The following GSG1L variants were observed in gnomAD, a reference collection of about 807,000 sequenced individuals.
GSG1L encodes GSG1 like, also known as germ cell-specific gene 1-like protein.
In GSG1L, 24 loss-of-function variants were observed where a neutral mutation model predicts 42.1. The ratio of observed to expected loss-of-function variants is 0.57; its 90% CI spans 0.41 to 0.80. The LOEUF (loss-of-function observed/expected upper bound fraction) is 0.80. Ranked by LOEUF, GSG1L falls within the 30% of genes least tolerant of loss-of-function variation. The pLI, the probability that GSG1L is intolerant of heterozygous loss-of-function variation, is 0.00. For missense variants in GSG1L, 445 were observed against 472.2 expected (o/e 0.94, Z 0.53); for synonymous variants, 215 against 203.5 (o/e 1.06, Z -0.48).
intron 3 of GSG1L, among the ~76,000 whole-genome samples, chr16:27,846,348 T>G (rs953478527): frequency 1.6e-4 from 25 of 152,208 alleles, no homozygotes; most frequent in African/African-American, 6.0e-4. Context: ...TTGACCCCTT[T>G]CTTAGTCTTC....
At position 27,925,434 on chromosome 16, in the gene GSG1L, T is replaced by C. The variant is rs1232108029; in HGVS notation, c.397+37722A>G. 3.3e-5 allele frequency among the ~76,000 whole-genome samples: 5 copies of C among 151,844 alleles called. No individual in the cohort carries two copies. The East Asian group carries it at 7.7e-4, about 23-fold the overall frequency. ...AAGGCGAGGCTAGGTTGAGGACAAA[T>C]TGGGAGAAGTGTTTAAATGCTGACT... is the stretch of plus-strand genomic sequence containing the variant. On this transcript the variant is annotated intron_variant, in intron 2 of 6. Transcript: ENST00000447459.
At chr16:28,010,760 C>T (rs958092215) in intron 1 of GSG1L, among the ~76,000 whole-genome samples, 1 of 152,170 alleles carries the variant, frequency 6.6e-6, no homozygotes, top group Admixed American at 6.5e-5. Context: ...ATCCCTCCAC[C>T]GGAAATCATT....
At chr16:28,034,449 AAGGT>A (rs2086009616) in intron 1 of GSG1L, among the ~76,000 whole-genome samples, 1 of 152,214 alleles carries the variant, frequency 6.6e-6, no homozygotes, top group Non-Finnish European at 1.5e-5. Flanking sequence ...TGTGAAGAAA[AAGGT>A]AGCGGGGCTT....
chr16:27,826,406 C>T (rs2083209641), intron 5 of GSG1L, among the ~76,000 whole-genome samples: 2 of 152,350 alleles, frequency 1.3e-5, no homozygotes, highest in East Asian at 3.9e-4. Context: ...TCGTCCTCTG[C>T]TGAGCCCTGA....
chr16:27,912,773 C>A (rs1205776116), intron 2 of GSG1L, among the ~76,000 whole-genome samples: 1 of 152,132 alleles, frequency 6.6e-6, no homozygotes, highest in Middle Eastern at 3.2e-3. Context: ...TAAAGACATT[C>A]TTGCACCATA....
At chr16:27,824,950 C>T (rs984409417) in intron 5 of GSG1L, among the ~76,000 whole-genome samples, 1 of 152,250 alleles carries the variant, frequency 6.6e-6, no homozygotes, top group African/African-American at 2.4e-5. Flanking sequence ...CCACTTCGGG[C>T]CCTGTGCCAT....
intron 1 of GSG1L, among the ~76,000 whole-genome samples, chr16:27,999,344 G>T (rs1439772859): frequency 1.3e-5 from 2 of 152,170 alleles, no homozygotes; most frequent in African/African-American, 4.8e-5. Flanking sequence ...TCAGGAGGCT[G>T]AGGCACCAGA....
chr16:27,859,007 G>C (rs1021341821), intron 3 of GSG1L, among the ~76,000 whole-genome samples: 1 of 152,190 alleles, frequency 6.6e-6, no homozygotes, highest in African/African-American at 2.4e-5. Flanking sequence ...GAGGCAGGAA[G>C]AGACCAAGTG....
intron 1 of GSG1L, among the ~76,000 whole-genome samples, chr16:28,019,592 C>T (rs181765843): frequency 6.6e-6 from 1 of 152,194 alleles, no homozygotes; most frequent in Non-Finnish European, 1.5e-5. Context: ...TATGGCTTCA[C>T]CTCAAATTCT....
intron 3 of GSG1L, among the ~76,000 whole-genome samples, chr16:27,865,295 G>A (rs1567493471): frequency 6.6e-6 from 1 of 151,894 alleles, no homozygotes; most frequent in Non-Finnish European, 1.5e-5. Context: ...TTCCTGGATT[G>A]ACTAAGAATC....
chr16:27,969,753 C>A (rs1396045846), intron 1 of GSG1L, among the ~76,000 whole-genome samples: 1 of 152,142 alleles, frequency 6.6e-6, no homozygotes, highest in Non-Finnish European at 1.5e-5. Flanking sequence ...ATATGTAACT[C>A]TATATTTAAC....
intron 1 of GSG1L, among the ~76,000 whole-genome samples, chr16:27,973,078 G>A (rs1244128785): frequency 1.3e-5 from 2 of 152,090 alleles, no homozygotes; most frequent in South Asian, 2.1e-4. Flanking sequence ...CCTTGTTGGC[G>A]AAATGGGCAC....
intron 2 of GSG1L, among the ~76,000 whole-genome samples, chr16:27,939,860 T>A (rs1271154546): frequency 6.6e-6 from 1 of 152,056 alleles, no homozygotes. Context: ...TTTTAACTTT[T>A]AGTAGAGACA....
intron 4 of GSG1L, 103 bp downstream of exon 4, chr16:27,844,847 C>CT: frequency 4.2e-6 from 1 of 235,798 alleles, no homozygotes; most frequent in South Asian, 5.1e-5. Context: ...CCCATTTCTC[C>CT]TCCCCCCCAC....
At position 27,845,004 on chromosome 16, in the gene GSG1L, C is replaced by T. The variant is rs1370335240; in HGVS notation, c.608G>A (p.Ser203Asn). The change falls in exon 4 of 7, where the codon AGC becomes AAC. Residue 203 changes from serine (S) to asparagine (N), a missense_variant. Transcript: ENST00000447459. ...GGGTCTCCAGTCCTCAGGACCGAGG[C>T]TCACGGTGACCTGGAACACCTGCGT... The part of the protein sequence containing the change: ...MYTQVFQVTV[S>N]LGPEDWRPHS... 3.7e-6 allele frequency: 6 copies of T among 1,613,832 alleles called. No individual in the cohort carries two copies. The highest frequency in any genetic ancestry group is 1.3e-5 in the African/African-American group (1 of 74,946).
chr16:28,049,405 G>T (rs1300639974), intron 1 of GSG1L, among the ~76,000 whole-genome samples: 2 of 152,076 alleles, frequency 1.3e-5, no homozygotes, highest in Non-Finnish European at 2.9e-5. Context: ...AAACTGGACT[G>T]TGTGGTAGCT....
chr16:27,938,039 A>G (rs2084738884), intron 2 of GSG1L, among the ~76,000 whole-genome samples: 1 of 152,096 alleles, frequency 6.6e-6, no homozygotes, highest in African/African-American at 2.4e-5. Flanking sequence ...AAAAAATCCA[A>G]AGAGAGAGAT....
intron 5 of GSG1L, among the ~76,000 whole-genome samples, chr16:27,815,618 G>T (rs1265588481): frequency 2.0e-5 from 3 of 152,198 alleles, no homozygotes; most frequent in African/African-American, 7.2e-5. Context: ...GGGCACCCCA[G>T]ACGTGTCACA....
intron 4 of GSG1L, among the ~76,000 whole-genome samples, chr16:27,833,142 G>C (rs568016977): frequency 6.6e-6 from 1 of 152,288 alleles, no homozygotes; most frequent in African/African-American, 2.4e-5. Context: ...GTGGTGTGCA[G>C]TTTAAAGTAA....
Sources: gnomAD v4.1 joint callset for allele counts (sites outside exome capture counted in the v4.1 genomes callset) on GRCh38, gnomAD v4.1.1 for gene constraint, MANE v1.5 for transcripts, NCBI Gene and HGNC (gene_info 2026-07-23, HGNC 2026-07-21) for gene names.